The following TFRC variants were observed in gnomAD, a reference collection of about 807,000 sequenced individuals.
TFRC encodes the protein transferrin receptor protein 1.
TFRC carries 35 observed loss-of-function variants against 85.8 expected under a neutral mutation model. The ratio of observed to expected loss-of-function variants is 0.41; its 90% CI spans 0.31 to 0.54. TFRC has a LOEUF of 0.54. Among genes scored for constraint, TFRC ranks in the 20% least tolerant of loss-of-function variants. The pLI, the probability that TFRC is intolerant of heterozygous loss-of-function variation, is 0.31. For missense variants in TFRC, 828 were observed against 921.5 expected (o/e 0.90, Z 1.31); for synonymous variants, 362 against 328.6 (o/e 1.10, Z -1.10).
At chr3:196,069,071 C>T (rs1480074463) in intron 7 of TFRC, among the ~76,000 whole-genome samples, 1 of 152,172 alleles carries the variant, frequency 6.6e-6, no homozygotes, top group Non-Finnish European at 1.5e-5. Context: ...CCACCTCAGC[C>T]TCCTAAAGTG....
At chr3:196,080,139 T>G (rs1190202918) in intron 1 of TFRC, among the ~76,000 whole-genome samples, 1 of 152,216 alleles carries the variant, frequency 6.6e-6, no homozygotes, top group African/African-American at 2.4e-5. Flanking sequence ...GGCATCTCGC[T>G]GTCGCGCAGG....
At chr3:196,057,545 A>C (rs755476107) in intron 16 of TFRC, among the ~76,000 whole-genome samples, 59 of 152,192 alleles carry the variant, frequency 3.9e-4, no homozygotes, top group Non-Finnish European at 6.6e-4. Context: ...CTACAGGATT[A>C]CAGGCGTGAG....
At chr3:196,073,905 T>TA in intron 4 of TFRC, 25 bp downstream of exon 4, 1 of 1,602,842 alleles carries the variant, frequency 6.2e-7, no homozygotes, top group Non-Finnish European at 8.5e-7. Flanking sequence ...CTTGTCTAGA[T>TA]ACTTGCACAG....
At chr3:196,065,661 G>T in intron 9 of TFRC, 61 bp from the exon 10 acceptor site, 1 of 1,498,466 alleles carries the variant, frequency 6.7e-7, no homozygotes, top group Non-Finnish European at 8.8e-7. Context: ...GTTTACTCCT[G>T]TCCAGTGAAG....
chr3:196,069,870 C>A (rs948919111), intron 6 of TFRC, among the ~76,000 whole-genome samples: 1 of 152,166 alleles, frequency 6.6e-6, no homozygotes, highest in Non-Finnish European at 1.5e-5. Context: ...GACTGGAGGC[C>A]TGGAACAATC....
chr3:196,056,503 G>A (rs541636674), intron 16 of TFRC, among the ~76,000 whole-genome samples: 14 of 152,230 alleles, frequency 9.2e-5, no homozygotes, highest in South Asian at 2.1e-4. Context: ...GGGTTCAAGC[G>A]ATTCTTCCAC....
chr3:196,069,703 A>T (rs3827556), intron 6 of TFRC, 135 bp from the exon 7 acceptor site: 49,870 of 556,898 alleles, frequency 0.09, 3,035 homozygotes, highest in East Asian at 0.2. Flanking sequence ...AAGGCCTAAA[A>T]AAGACATGAG....
In TFRC at chr3:196,077,046, C is replaced by G. The variant is rs765459895; in HGVS notation, c.36+18G>C. 3.1e-6 allele frequency: 5 copies of G among 1,611,932 alleles called. No homozygotes were observed. The South Asian group carries it at 4.4e-5, about 14-fold the overall frequency. ...TCACATTCTTGCAGACACAGAAATA[C>G]AACTGAAAATATCTTACCAAGTTAG... On this transcript the variant is annotated intron_variant, in intron 2 of 18. Transcript: ENST00000360110.
At chr3:196,070,283 A>C (rs1718079766) in intron 6 of TFRC, among the ~76,000 whole-genome samples, 1 of 134,960 alleles carries the variant, frequency 7.4e-6, no homozygotes, top group African/African-American at 2.8e-5. Flanking sequence ...TTTTTTTTTG[A>C]GATGGAATTT....
At chr3:196,058,209 T>C in intron 16 of TFRC, 75 bp downstream of exon 16, 1 of 1,226,366 alleles carries the variant, frequency 8.2e-7, no homozygotes. Context: ...CCCATTGCAA[T>C]GCCCTATTCC....
intron 16 of TFRC, among the ~76,000 whole-genome samples, chr3:196,056,113 C>T (rs1262349146): frequency 6.6e-6 from 1 of 152,240 alleles, no homozygotes; most frequent in African/African-American, 2.4e-5. Flanking sequence ...TGGCTCCCCA[C>T]AGCCTTAAGC....
chr3:196,073,226 A>T (rs1411464226), intron 4 of TFRC, among the ~76,000 whole-genome samples: 1 of 151,628 alleles, frequency 6.6e-6, no homozygotes, highest in African/African-American at 2.4e-5. Flanking sequence ...CTCAAAATAA[A>T]TAAGTAAATA....
At chr3:196,077,421 A>G (rs1253608810) in intron 1 of TFRC, among the ~76,000 whole-genome samples, 2 of 151,670 alleles carry the variant, frequency 1.3e-5, no homozygotes, top group East Asian at 3.9e-4. Flanking sequence ...AAGTGCTGCA[A>G]TTATAAGTAC....
intron 16 of TFRC, 138 bp from the exon 17 acceptor site, chr3:196,055,439 T>G (rs1716701312): frequency 2.9e-6 from 2 of 678,210 alleles, no homozygotes; most frequent in Non-Finnish European, 5.2e-6. Flanking sequence ...TTTACCCCAA[T>G]TCTATCTCAT....
chr3:196,058,543 T>G, intron 15 of TFRC, 31 bp downstream of exon 15: 1 of 1,598,604 alleles, frequency 6.3e-7, no homozygotes, highest in East Asian at 2.2e-5. Context: ...TGCTTTTCTA[T>G]TAGTTTGTTC....
chr3:196,073,083 G>A (rs771401970), intron 4 of TFRC, among the ~76,000 whole-genome samples: 3 of 149,798 alleles, frequency 2.0e-5, no homozygotes, highest in Non-Finnish European at 4.4e-5. Context: ...AGCAGAGCAT[G>A]GTGGTACAAG....
chr3:196,068,799 T>C (rs1452492249), intron 7 of TFRC, among the ~76,000 whole-genome samples: 1 of 149,318 alleles, frequency 6.7e-6, no homozygotes. Context: ...ATGGTGGTGG[T>C]GGGCACCTGT....
At chr3:196,071,580 T>A in intron 5 of TFRC, 82 bp from the exon 6 acceptor site, 1 of 1,372,780 alleles carries the variant, frequency 7.3e-7, no homozygotes, top group Non-Finnish European at 1.0e-6. Context: ...TGTCTTGCAT[T>A]ATTTGGCTTG....
chr3:196,077,708 C>T lies in TFRC; in HGVS notation c.-23-586G>A, dbSNP rs192708399. ...TGGAGCTTGCAGTGAGCCAAGATCG[C>T]GCCACTGCACTCCAGCCTGGAAAAC... On this transcript the variant is annotated intron_variant, in intron 1 of 18. Transcript: ENST00000360110. 1.1e-3 allele frequency among the ~76,000 whole-genome samples: 170 copies of T among 151,832 alleles called. 2 individuals are homozygous for T. In the South Asian group the frequency reaches 0.012, roughly 10 times the overall value.
Sources: gnomAD v4.1 joint callset for allele counts (sites outside exome capture counted in the v4.1 genomes callset) on GRCh38, gnomAD v4.1.1 for gene constraint, MANE v1.5 for transcripts, NCBI Gene and HGNC (gene_info 2026-07-23, HGNC 2026-07-21) for gene names.